Variants in UCHL5 observed in about 807,000 individuals in gnomAD.
UCHL5 encodes ubiquitin C-terminal hydrolase L5.
Under a neutral mutation model 53.8 loss-of-function variants are expected in UCHL5, and 34 were observed. The ratio of observed to expected loss-of-function variants is 0.63; its 90% CI spans 0.48 to 0.84. The LOEUF (loss-of-function observed/expected upper bound fraction) is 0.84. Among genes scored for constraint, UCHL5 ranks in the 40% least tolerant of loss-of-function variants. UCHL5 has a pLI of 0.00. For missense variants in UCHL5, 290 were observed against 385.6 expected, an observed-to-expected ratio of 0.75 and a Z score of 2.08; for synonymous variants, 111 against 126.3, an observed-to-expected ratio of 0.88 and a Z score of 0.81.
At chr1:193,017,983 A>C (rs1009579630) in intron 10 of UCHL5, among the ~76,000 whole-genome samples, 1 of 151,516 alleles carries the variant, frequency 6.6e-6, no homozygotes, top group Non-Finnish European at 1.5e-5. Context: ...TAAAAATAAA[A>C]TCATATAAAT....
intron 3 of UCHL5, among the ~76,000 whole-genome samples, chr1:193,043,472 T>TG (rs992907719): frequency 6.6e-6 from 1 of 152,226 alleles, no homozygotes; most frequent in African/African-American, 2.4e-5. Flanking sequence ...TCTGACAAGG[T>TG]GAAGTCCCAC....
In UCHL5 at chr1:193,012,592, G is replaced by C. The variant is rs972129391; in HGVS notation, c.*3759C>G. 1.3e-5 allele frequency: 2 copies of C among 152,152 alleles called. No individual in the cohort carries two copies. Among genetic ancestry groups the C allele is most frequent in the Non-Finnish European group, 2.9e-5 (2 of 68,022 alleles). The allele number at this position is 152,152 out of a possible 1,614,324, so 9.4% of individuals were successfully genotyped here. Reference sequence around the variant, plus strand: ...AATCCACTTGTACAGTGCTAGTTCAGTACTAGAGAAAAAATTATCTTCATT... The same window carrying C: ...AATCCACTTGTACAGTGCTAGTTCACTACTAGAGAAAAAATTATCTTCATT... On this transcript the variant is annotated 3_prime_UTR_variant, in exon 11 of 11. Transcript: ENST00000367454.
chr1:193,052,048 C>A (rs530228226), intron 1 of UCHL5, among the ~76,000 whole-genome samples: 2 of 152,120 alleles, frequency 1.3e-5, no homozygotes, highest in Non-Finnish European at 2.9e-5. Flanking sequence ...AATTACCACT[C>A]TATGACTGTT....
intron 10 of UCHL5, chr1:193,019,857 T>A (rs1206587967): frequency 4.2e-6 from 4 of 954,846 alleles, no homozygotes; most frequent in Non-Finnish European, 5.0e-6. Flanking sequence ...TATCTAAGGG[T>A]CCTAGTCCCT....
At chr1:193,021,247 T>C (rs1656900921) in intron 9 of UCHL5, 52 bp from the exon 10 acceptor site, 3 of 1,239,476 alleles carry the variant, frequency 2.4e-6, no homozygotes, top group Admixed American at 3.6e-5. Flanking sequence ...AATTTTGATA[T>C]TTTATTCTTT....
intron 10 of UCHL5, chr1:193,020,444 TATATCAGA>T (rs2102292104): frequency 6.5e-7 from 1 of 1,541,212 alleles, no homozygotes; most frequent in Admixed American, 2.0e-5. Context: ...ATCCTTCCCC[TATATCAGA>T]ATATCTGGGG....
intron 3 of UCHL5, among the ~76,000 whole-genome samples, chr1:193,033,911 A>T (rs530159534): frequency 6.6e-6 from 1 of 152,276 alleles, no homozygotes; most frequent in Admixed American, 6.5e-5. Flanking sequence ...GAACAAATTA[A>T]GATGTTTGAT....
At chr1:193,052,105 T>G (rs2102870169) in intron 1 of UCHL5, among the ~76,000 whole-genome samples, 1 of 152,306 alleles carries the variant, frequency 6.6e-6, no homozygotes, top group South Asian at 2.1e-4. Flanking sequence ...CTCTTTTCAC[T>G]CAACTGTTCC....
intron 7 of UCHL5, among the ~76,000 whole-genome samples, chr1:193,025,286 A>G (rs1465983274): frequency 6.6e-6 from 1 of 152,178 alleles, no homozygotes; most frequent in East Asian, 1.9e-4. Context: ...CCTACTCAAA[A>G]CCAGTAAAAG....
chr1:193,027,973 GAA>G, intron 7 of UCHL5, 110 bp downstream of exon 7: 1 of 1,369,382 alleles, frequency 7.3e-7, no homozygotes, highest in Non-Finnish European at 9.6e-7. Context: ...AAATTAAAAA[GAA>G]AAAAAAAAGT....
intron 10 of UCHL5, among the ~76,000 whole-genome samples, chr1:193,017,812 T>G (rs1655380376): frequency 6.6e-6 from 1 of 151,448 alleles, no homozygotes; most frequent in East Asian, 1.9e-4. Flanking sequence ...AGATATGATC[T>G]CATTTAATCA....
chr1:193,053,373 G>A (rs894254033), intron 1 of UCHL5, among the ~76,000 whole-genome samples: 1 of 152,166 alleles, frequency 6.6e-6, no homozygotes, highest in African/African-American at 2.4e-5. Flanking sequence ...GTGCCTCAAA[G>A]CCTCCTGCAC....
intron 10 of UCHL5, among the ~76,000 whole-genome samples, chr1:193,016,684 C>T (rs1655000921): frequency 6.6e-6 from 1 of 151,712 alleles, no homozygotes; most frequent in South Asian, 2.1e-4. Flanking sequence ...TCCATAAAGT[C>T]AAACTCATTC....
At chr1:193,039,039 A>G (rs1167711893) in intron 3 of UCHL5, among the ~76,000 whole-genome samples, 2 of 152,216 alleles carry the variant, frequency 1.3e-5, no homozygotes, top group African/African-American at 4.8e-5. Context: ...ATCAGCTGCT[A>G]TTATATATGC....
At position 193,016,216 on chromosome 1, in the gene UCHL5, T is replaced by C. The variant is rs567012669; in HGVS notation, c.*135A>G. The stretch of plus-strand genomic sequence containing the variant: ...GGAAGAAGTTTATGAATCCATGCAT[T>C]AAAGACAAGACAGGCTGGCACTATT... On this transcript the variant is annotated 3_prime_UTR_variant, in exon 11 of 11. Transcript: ENST00000367454. 1.1e-6 allele frequency: 1 copy of C among 933,598 alleles called. No individual in the cohort carries two copies. The highest frequency in any genetic ancestry group is 2.6e-5 in the East Asian group (1 of 37,982). The allele number at this position is 933,598 out of a possible 1,614,324, so 57.8% of individuals were successfully genotyped here.
intron 6 of UCHL5, 41 bp from the exon 7 acceptor site, chr1:193,028,189 A>G: frequency 6.6e-7 from 1 of 1,506,684 alleles, no homozygotes; most frequent in East Asian, 2.4e-5. Flanking sequence ...AATAAAAATA[A>G]GAACAATCAA....
At chr1:193,059,485 G>T (rs1297492563), upstream of UCHL5, 1 of 1,603,526 alleles carries the variant, frequency 6.2e-7, no homozygotes, top group East Asian at 2.3e-5. The surrounding 1 kb of genome is among the most constrained non-coding windows in gnomAD (Gnocchi z 4.9). Context: ...AGGCCTTGCA[G>T]CACCCGTAGC....
rs1313956355 is a variant in UCHL5 at position 193,029,397 on chromosome 1, C to T, written c.425G>A (p.Ser142Asn). ...NSDVIRQVHN[S>N]FARQQMFEFD... ...CATAAAGTCTCTTTACCTGGCGAAA[C>T]TGTTGTGTACTTGTCGAATCACATC... is the stretch of plus-strand genomic sequence containing the variant. The change falls in exon 5 of 11, where the codon AGT (serine) becomes AAT (asparagine). Residue 142 changes from serine (S) to asparagine (N), a missense_variant. By Grantham distance (46) the Ser-to-Asn change is conservative (BLOSUM62 1). Transcript: ENST00000367454. 1.2e-6 allele frequency: 2 copies of T among 1,613,624 alleles called. No individual in the cohort carries two copies. The highest frequency in any genetic ancestry group is 2.7e-5 in the African/African-American group (2 of 74,920).
chr1:193,044,100 G>A (rs778265749), intron 3 of UCHL5, among the ~76,000 whole-genome samples: 8 of 152,192 alleles, frequency 5.3e-5, no homozygotes, highest in Non-Finnish European at 1.0e-4. Context: ...TACAGTTGGT[G>A]TTCAAAGTGA....
Sources: allele counts gnomAD v4.1 joint callset (sites outside exome capture counted in the v4.1 genomes callset), GRCh38; gene constraint gnomAD v4.1.1; non-coding constraint Gnocchi (gnomAD v3.1); transcripts MANE v1.5; gene names NCBI Gene and HGNC (gene_info 2026-07-23, HGNC 2026-07-21).